THAP12: variants seen among roughly 807,000 people sequenced by gnomAD.
THAP12 encodes 52 kDa repressor of the inhibitor of the protein kinase.
A neutral mutation model predicts 63.0 loss-of-function variants in THAP12; 20 were observed. The observed-to-expected ratio is 0.32, with a 90% CI of 0.22 to 0.46. The LOEUF (loss-of-function observed/expected upper bound fraction) is 0.46, where lower values mean the gene tolerates loss of function less well. Ranked by LOEUF, THAP12 falls within the 20% of genes least tolerant of loss-of-function variation. THAP12 has a pLI of 1.00. For missense variants in THAP12, 568 were observed against 908.2 expected, an observed-to-expected ratio of 0.63 and a Z score of 4.81; for synonymous variants, 264 against 328.4, an observed-to-expected ratio of 0.80 and a Z score of 2.12.
chr11:76,353,302 T>C (rs1226527413), intron 4 of THAP12, among the ~76,000 whole-genome samples: 3 of 152,256 alleles, frequency 2.0e-5, no homozygotes, highest in Non-Finnish European at 4.4e-5. Flanking sequence ...TAGTATTTTA[T>C]ATGCATCACA....
At chr11:76,364,234 T>C (rs1201875399) in intron 2 of THAP12, 1 of 190,476 alleles carries the variant, frequency 5.3e-6, no homozygotes, top group African/African-American at 2.4e-5. Flanking sequence ...TTTAAACATA[T>C]GAAACCTTTT....
chr11:76,379,836 G>A (rs1194971363), intron 1 of THAP12, among the ~76,000 whole-genome samples: 1 of 151,922 alleles, frequency 6.6e-6, no homozygotes, highest in Non-Finnish European at 1.5e-5. Flanking sequence ...TCACAACAAT[G>A]CCAACACAAG....
chr11:76,368,901 A>G (rs919429364), intron 1 of THAP12, among the ~76,000 whole-genome samples: 1 of 152,244 alleles, frequency 6.6e-6, no homozygotes, highest in Admixed American at 6.5e-5. Context: ...AAGATATATA[A>G]ATTAGGCTAC....
rs759954253 is a variant in THAP12 at position 76,355,667 on chromosome 11, A to G, written c.319-13T>C. 56 of 1,543,092 alleles carry G rather than the reference A, an allele frequency of 3.6e-5. No individual in the cohort carries two copies. Among genetic ancestry groups the G allele is most frequent in the Middle Eastern group, 3.4e-4 (2 of 5,850 alleles). On this transcript the variant is annotated splice_polypyrimidine_tract_variant and intron_variant, in intron 3 of 4. Coordinates refer to ENST00000260045, the MANE Select transcript of THAP12 (RefSeq NM_004705.4). ...TTTCATCTTCACTCTAAATGTCAAG[A>G]AAAAAAAAGAAAAAAACAAATCATC...
chr11:76,352,099 A>G lies in THAP12; in HGVS notation c.1051T>C (p.Tyr351His). 1.9e-6 allele frequency: 3 copies of G among 1,611,592 alleles called. No individual in the cohort carries two copies. Among genetic ancestry groups the G allele is most frequent in the Non-Finnish European group, 2.5e-6 (3 of 1,179,728 alleles). ...KVVASRLLEK[Y>H]PQAIYTLCSS... ...CAGAGTGTGTAGATAGCTTGGGGAT[A>G]TTTCTCTAAAAGTCTAGAAGCAACA... Residue 351 changes from tyrosine (Y) to histidine (H), a missense_variant, in exon 5 of 5, where the codon TAT (tyrosine) becomes CAT (histidine). By Grantham distance (83) the Tyr-to-His change is moderately conservative. Coordinates refer to ENST00000260045, the MANE Select transcript of THAP12 (RefSeq NM_004705.4).
At chr11:76,365,179 G>C (rs1054218222) in intron 2 of THAP12, among the ~76,000 whole-genome samples, 4 of 152,082 alleles carry the variant, frequency 2.6e-5, no homozygotes, top group Non-Finnish European at 5.9e-5. Flanking sequence ...CTACTTGGGA[G>C]GCTGAGGAGA....
At chr11:76,380,598 A>C in intron 1 of THAP12, 150 bp downstream of exon 1, 2 of 495,502 alleles carry the variant, frequency 4.0e-6, no homozygotes, top group Non-Finnish European at 6.0e-6. Context: ...CCGGCTCCCC[A>C]TCTCGGTCCA....
At chr11:76,370,847 T>A (rs995498329) in intron 1 of THAP12, among the ~76,000 whole-genome samples, 6 of 143,436 alleles carry the variant, frequency 4.2e-5, no homozygotes, top group African/African-American at 1.5e-4. Context: ...AAAAAAAATA[T>A]ATATATATAT....
intron 2 of THAP12, chr11:76,364,417 C>T (rs1368164969): frequency 2.5e-5 from 11 of 437,070 alleles, no homozygotes; most frequent in Non-Finnish European, 4.1e-5. Context: ...TTTTCTGATG[C>T]CTCTGCAAAA....
chr11:76,354,182 G>A (rs1397164411), intron 4 of THAP12, among the ~76,000 whole-genome samples: 2 of 152,228 alleles, frequency 1.3e-5, no homozygotes, highest in Non-Finnish European at 1.5e-5. Flanking sequence ...AGTACAAAGG[G>A]AAATCTAGTC....
At chr11:76,380,596 C>A (rs11607475) in intron 1 of THAP12, 152 bp downstream of exon 1, 1 of 514,486 alleles carries the variant, frequency 1.9e-6, no homozygotes, top group East Asian at 4.4e-5. Flanking sequence ...GGCCGGCTCC[C>A]CATCTCGGTC....
intron 1 of THAP12, 123 bp from the exon 2 acceptor site, chr11:76,366,095 T>A: frequency 8.8e-7 from 1 of 1,137,180 alleles, no homozygotes; most frequent in South Asian, 1.6e-5. Flanking sequence ...AGAACATAAT[T>A]TGGAGAATTT....
chr11:76,369,133 GA>G (rs757209544), intron 1 of THAP12, among the ~76,000 whole-genome samples: 68 of 150,478 alleles, frequency 4.5e-4, no homozygotes, highest in Middle Eastern at 3.4e-3. Context: ...ATACATAGAT[GA>G]AAAAAAAATG....
intron 2 of THAP12, 76 bp downstream of exon 2, chr11:76,365,772 ATACT>A: frequency 6.7e-7 from 1 of 1,488,210 alleles, no homozygotes; most frequent in Admixed American, 2.0e-5. Flanking sequence ...ACATTGGTAA[ATACT>A]TACATTTCCA....
chr11:76,377,089 C>G (rs1404138339), intron 1 of THAP12, among the ~76,000 whole-genome samples: 1 of 152,202 alleles, frequency 6.6e-6, no homozygotes, highest in Non-Finnish European at 1.5e-5. Flanking sequence ...ATCCTCAGAT[C>G]TGTTCTTTGC....
rs147807860 is a variant in THAP12 at position 76,355,666 on chromosome 11, G to GA, written c.319-13dup. 7,460 of 1,501,126 alleles carry GA rather than the reference G, an allele frequency of 5.0e-3. 184 individuals carry two copies. In the African/African-American group the frequency reaches 0.074, roughly 15 times the overall value. 93.0% of individuals were successfully genotyped at this position (1,501,126 alleles called of 1,614,324 possible). A position where few individuals can be genotyped will look rare whatever the true frequency, so the allele number is the denominator to read the frequency against. On this transcript the variant is annotated splice_polypyrimidine_tract_variant and intron_variant, in intron 3 of 4. Coordinates refer to ENST00000260045, the MANE Select transcript of THAP12 (RefSeq NM_004705.4). Reference sequence around the variant, plus strand: ...ATTTCATCTTCACTCTAAATGTCAAGAAAAAAAAAGAAAAAAACAAATCAT... The same window carrying GA: ...ATTTCATCTTCACTCTAAATGTCAAGAAAAAAAAAAGAAAAAAACAAATCAT...
chr11:76,378,238 G>C (rs1946724730), intron 1 of THAP12, among the ~76,000 whole-genome samples: 1 of 152,064 alleles, frequency 6.6e-6, no homozygotes, highest in African/African-American at 2.4e-5. Context: ...GGCCAACATG[G>C]CGAAACCCCG....
chr11:76,352,588 C>T lies in THAP12; in HGVS notation c.562G>A (p.Ala188Thr). The T allele has an allele frequency of 6.2e-7, 1 of 1,611,936 alleles. No homozygotes were observed. The highest frequency in any genetic ancestry group is 8.5e-7 in the Non-Finnish European group (1 of 1,179,802). Residue 188 changes from alanine to threonine, a missense_variant, in exon 5 of 5, where the codon GCT (alanine) becomes ACT (threonine). Ala to Thr is a moderately conservative substitution (Grantham distance 58, BLOSUM62 0). Coordinates refer to ENST00000260045, the MANE Select transcript of THAP12 (RefSeq NM_004705.4). ...KQNIPLDGHE[A>T]DEIPEGLFTP... ...AAGAGACCTTCTGGGATTTCATCAGCCTCATGTCCATCCAGAGGTATGTTT... is the reference window on the plus strand; with the variant it reads ...AAGAGACCTTCTGGGATTTCATCAGTCTCATGTCCATCCAGAGGTATGTTT...
rs545933878 is a variant in THAP12, at chr11:76,369,586, A to T, written c.90-3614T>A. Among the ~76,000 whole-genome samples, 3 of 152,382 alleles carry T rather than the reference A, an allele frequency of 2.0e-5. No homozygotes were observed. In the South Asian group the frequency reaches 6.2e-4, roughly 32 times the overall value. ...CATACACAGAAATAAAATTTTTCCT[A>T]ACTGATAATGCAGCTCAATGTGCCT... On this transcript the variant is annotated intron_variant, in intron 1 of 4. Transcript: ENST00000260045.
Sources: gnomAD v4.1 joint callset for allele counts (sites outside exome capture counted in the v4.1 genomes callset) on GRCh38, gnomAD v4.1.1 for gene constraint, MANE v1.5 for transcripts, NCBI Gene and HGNC (gene_info 2026-07-23, HGNC 2026-07-21) for gene names.